TTC7B: variants seen among roughly 807,000 people sequenced by gnomAD.
TTC7B encodes the protein tetratricopeptide repeat protein 7B.
TTC7B carries 28 observed loss-of-function variants against 106.8 expected under a neutral mutation model. The ratio of observed to expected loss-of-function variants is 0.26; its 90% CI spans 0.19 to 0.36. The LOEUF (loss-of-function observed/expected upper bound fraction) is 0.36. Ranked by LOEUF, TTC7B falls within the 10% of genes least tolerant of loss-of-function variation. The pLI is 1.00. For synonymous variants in TTC7B, 405 were observed against 430.6 expected (o/e 0.94, Z 0.74); for missense variants, 862 against 1,076.4 (o/e 0.80, Z 2.79).
chr14:90,557,984 G>A (rs1389967501), intron 19 of TTC7B, among the ~76,000 whole-genome samples: 1 of 152,246 alleles, frequency 6.6e-6, no homozygotes, highest in African/African-American at 2.4e-5. Flanking sequence ...TGGTCCTGAG[G>A]ACCCAGTAGA....
Position 90,618,024 on chromosome 14 carries a change from C to A in TTC7B, c.1773G>T (p.Lys591Asn). The A allele has an allele frequency of 6.2e-7, 1 of 1,613,624 alleles. No individual in the cohort carries two copies. The highest frequency in any genetic ancestry group is 1.7e-5 in the Admixed American group (1 of 60,024). The change falls in exon 16 of 20, where the codon AAG (lysine) becomes AAT (asparagine). Residue 591 changes from lysine (K) to asparagine (N), a missense_variant. Lys to Asn is a moderately conservative substitution (Grantham distance 94). Coordinates refer to ENST00000328459, the MANE Select transcript of TTC7B (RefSeq NM_001010854.2). ...ENFILLFSKV[K>N]LQSLCRGPDE... is the part of the protein sequence containing the mutation. ...CCGGGCCTCGGCAGAGTGACTGCAA[C>A]TTCACTTTGGAAAACAGTAGTCTGC...
At position 90,794,372 on chromosome 14, in the gene TTC7B, G is replaced by A. The variant is rs544027352; in HGVS notation, c.122-8044C>T. On this transcript the variant is annotated intron_variant, in intron 1 of 19. Coordinates refer to ENST00000328459, the MANE Select transcript of TTC7B (RefSeq NM_001010854.2). Reference sequence around the variant, plus strand: ...CTCCCGAGTAGCTGGGACTACAGGCGCCTGCCACCACACCCGGCTAATTTT... The same window carrying A: ...CTCCCGAGTAGCTGGGACTACAGGCACCTGCCACCACACCCGGCTAATTTT... 2.3e-3 allele frequency among the ~76,000 whole-genome samples: 353 copies of A among 151,474 alleles called. 1 individual carries two copies. Among genetic ancestry groups the A allele is most frequent in the African/African-American group, 8.0e-3 (331 of 41,224 alleles).
intron 3 of TTC7B, among the ~76,000 whole-genome samples, chr14:90,745,439 C>T (rs903607281): frequency 1.7e-4 from 26 of 152,126 alleles, no homozygotes; most frequent in African/African-American, 4.6e-4. Flanking sequence ...CGCCCTTTAC[C>T]AGGTTGAAGA....
intron 1 of TTC7B, among the ~76,000 whole-genome samples, chr14:90,787,799 A>G (rs1891442938): frequency 6.6e-6 from 1 of 152,176 alleles, no homozygotes. Flanking sequence ...TTCTGGGAGG[A>G]GCCAATTAAC....
chr14:90,724,757 G>A (rs1461838472), intron 5 of TTC7B, among the ~76,000 whole-genome samples: 1 of 152,174 alleles, frequency 6.6e-6, no homozygotes. Flanking sequence ...CCCGGTCTCA[G>A]GTATTTCTTT....
chr14:90,798,284 G>A (rs1428376932), intron 1 of TTC7B, among the ~76,000 whole-genome samples: 2 of 152,142 alleles, frequency 1.3e-5, no homozygotes, highest in East Asian at 1.9e-4. Context: ...ATGGATGAGC[G>A]AGCCCTGGCA....
intron 15 of TTC7B, among the ~76,000 whole-genome samples, chr14:90,633,140 G>A (rs1473832991): frequency 6.6e-6 from 1 of 152,178 alleles, no homozygotes; most frequent in African/African-American, 2.4e-5. Context: ...TTATAGTTAT[G>A]GGTCAGAGAA....
At chr14:90,801,869 T>A (rs2030292047) in intron 1 of TTC7B, among the ~76,000 whole-genome samples, 1 of 152,106 alleles carries the variant, frequency 6.6e-6, no homozygotes, top group South Asian at 2.1e-4. Flanking sequence ...GAGACCAGCC[T>A]GGCCAACATG....
chr14:90,683,272 T>G (rs1887126196), intron 7 of TTC7B, among the ~76,000 whole-genome samples: 1 of 152,072 alleles, frequency 6.6e-6, no homozygotes. Flanking sequence ...CAACATCAAC[T>G]CTAAGGTCTA....
chr14:90,632,153 A>G (rs1054386401), intron 15 of TTC7B, among the ~76,000 whole-genome samples: 1 of 152,168 alleles, frequency 6.6e-6, no homozygotes, highest in Non-Finnish European at 1.5e-5. Context: ...CCTTCCAGAC[A>G]TCCTTCAGGT....
chr14:90,563,303 A>C (rs1307985624), intron 19 of TTC7B, among the ~76,000 whole-genome samples: 2 of 152,190 alleles, frequency 1.3e-5, no homozygotes, highest in Non-Finnish European at 2.9e-5. Flanking sequence ...GTAATCAATC[A>C]AATGTCACAA....
At chr14:90,677,865 T>G (rs1352060453) in intron 8 of TTC7B, 1 of 453,514 alleles carries the variant, frequency 2.2e-6, no homozygotes, top group East Asian at 7.0e-5. Context: ...CAAATAAGAA[T>G]ATATAAGACA....
chr14:90,734,852 C>T (rs1462875608), intron 4 of TTC7B, among the ~76,000 whole-genome samples: 1 of 152,148 alleles, frequency 6.6e-6, no homozygotes, highest in East Asian at 1.9e-4. Flanking sequence ...GGCACGATCT[C>T]GGCTCACTGC....
Position 90,538,905 on chromosome 14 carries a change from G to A in TTC7B, c.*2463C>T, listed in dbSNP as rs1314041956. ...TTCCACCTCCTCATTCTCTTTTTCT[G>A]TGTTGGCATCATTCTCAGGCAGGCC... On this transcript the variant is annotated 3_prime_UTR_variant, in exon 20 of 20. Coordinates refer to ENST00000328459, the MANE Select transcript of TTC7B (RefSeq NM_001010854.2). The A allele has an allele frequency of 6.6e-6, 1 of 152,140 alleles. No homozygotes were observed. Among genetic ancestry groups the A allele is most frequent in the Non-Finnish European group, 1.5e-5 (1 of 68,038 alleles). 9.4% of individuals were successfully genotyped at this position (152,140 alleles called of 1,614,324 possible).
At chr14:90,738,790 A>G (rs965204577) in intron 4 of TTC7B, among the ~76,000 whole-genome samples, 1 of 152,230 alleles carries the variant, frequency 6.6e-6, no homozygotes, top group African/African-American at 2.4e-5. Context: ...TATACACAAC[A>G]ATACGTTCAT....
chr14:90,616,465 A>G (rs1893078098), intron 16 of TTC7B, among the ~76,000 whole-genome samples: 1 of 147,232 alleles, frequency 6.8e-6, no homozygotes, highest in Non-Finnish European at 1.5e-5. Flanking sequence ...CCAGCAGCAC[A>G]GCGCCGCGCC....
intron 5 of TTC7B, among the ~76,000 whole-genome samples, chr14:90,726,379 G>C (rs1341656637): frequency 6.6e-6 from 1 of 152,156 alleles, no homozygotes; most frequent in African/African-American, 2.4e-5. Flanking sequence ...ATTGCCTTAA[G>C]CCAGCGCCAC....
chr14:90,623,978 G>A (rs550718535), intron 15 of TTC7B, among the ~76,000 whole-genome samples: 9 of 152,302 alleles, frequency 5.9e-5, no homozygotes, highest in African/African-American at 1.9e-4. Flanking sequence ...CCAAGATGGC[G>A]CCACTGCACT....
intron 17 of TTC7B, among the ~76,000 whole-genome samples, chr14:90,610,259 T>A (rs1470544861): frequency 6.6e-6 from 1 of 152,246 alleles, no homozygotes; most frequent in African/African-American, 2.4e-5. Flanking sequence ...CGACGAGGTG[T>A]GCAGATTTGC....
Sources: allele counts gnomAD v4.1 joint callset (sites outside exome capture counted in the v4.1 genomes callset), GRCh38; gene constraint gnomAD v4.1.1; transcripts MANE v1.5; gene names NCBI Gene and HGNC (gene_info 2026-07-23, HGNC 2026-07-21).